POR: variants seen among roughly 807,000 people sequenced by gnomAD.
The protein encoded by POR is cytochrome p450 oxidoreductase.
In POR, 56 loss-of-function variants were observed where a neutral mutation model predicts 84.0. The observed-to-expected ratio is 0.67, with a 90% CI of 0.54 to 0.83. The LOEUF (loss-of-function observed/expected upper bound fraction) is 0.83. Ranked by LOEUF, POR falls within the 40% of genes least tolerant of loss-of-function variation. The probability of loss-of-function intolerance (pLI) is 0.00; values close to 1 mark genes in which losing one functional copy is unlikely to be tolerated. For missense variants in POR, 938 were observed against 944.3 expected (o/e 0.99, Z 0.09); for synonymous variants, 414 against 400.5 (o/e 1.03, Z -0.40).
intron 1 of POR, among the ~76,000 whole-genome samples, chr7:75,917,507 CAG>C (rs1806631551): frequency 1.3e-5 from 2 of 150,478 alleles, no homozygotes; most frequent in Non-Finnish European, 1.5e-5. Flanking sequence ...GCCAGAGAAA[CAG>C]AGGTCAAGCT....
intron 1 of POR, among the ~76,000 whole-genome samples, chr7:75,942,026 C>T (rs925355161): frequency 2.0e-5 from 3 of 151,878 alleles, no homozygotes; most frequent in Admixed American, 6.6e-5. Flanking sequence ...TGAGACCAGC[C>T]TGGGCAACAT....
At chr7:75,928,451 G>T (rs1288160200) in intron 1 of POR, among the ~76,000 whole-genome samples, 1 of 152,228 alleles carries the variant, frequency 6.6e-6, no homozygotes, top group Non-Finnish European at 1.5e-5. Flanking sequence ...GTTAACTTCG[G>T]GTAATGGCCT....
In POR at chr7:75,972,549, G is replaced by T. The variant is rs17148944; in HGVS notation, c.237+88G>T. The T allele has an allele frequency of 3.9e-6, 5 of 1,271,230 alleles. No individual in the cohort carries two copies. The South Asian group carries it at 6.4e-5, about 16-fold the overall frequency. 78.7% of individuals were successfully genotyped at this position (1,271,230 alleles called of 1,614,324 possible). A position where few individuals can be genotyped will look rare whatever the true frequency, so the allele number is the denominator to read the frequency against. On this transcript the variant is annotated intron_variant, in intron 3 of 15. Transcript: ENST00000461988. ...AGTCTAGCAGACGGCTGGCGTCACC[G>T]CATAGAGGATGTCCCGGTGGCCAGG...
At chr7:75,918,900 G>A (rs528025312) in intron 1 of POR, among the ~76,000 whole-genome samples, 8 of 151,498 alleles carry the variant, frequency 5.3e-5, no homozygotes, top group East Asian at 2.0e-4. Context: ...GGCTGAGGTC[G>A]CGTGGTGGCA....
At chr7:75,922,490 AT>A (rs1299431093) in intron 1 of POR, among the ~76,000 whole-genome samples, 1 of 151,786 alleles carries the variant, frequency 6.6e-6, no homozygotes, top group Non-Finnish European at 1.5e-5. Flanking sequence ...TGCCTGGCTA[AT>A]TTTTTGTAAT....
At chr7:75,926,022 TTCTC>T (rs61236921) in intron 1 of POR, among the ~76,000 whole-genome samples, 8,351 of 148,850 alleles carry the variant, frequency 0.056, 797 homozygotes, top group African/African-American at 0.19. Context: ...TCTTTCTCTT[TTCTC>T]TCTCTTTTTT....
intron 1 of POR, chr7:75,947,224 A>G (rs1483578220): frequency 2.6e-5 from 4 of 152,198 alleles, no homozygotes; most frequent in African/African-American, 9.7e-5. Context: ...AACGAAGGAC[A>G]TTTGGGATCT....
intron 1 of POR, among the ~76,000 whole-genome samples, chr7:75,951,281 G>C (rs932179353): frequency 1.3e-5 from 2 of 150,850 alleles, no homozygotes; most frequent in African/African-American, 4.9e-5. Flanking sequence ...GTAGTCCCAG[G>C]TACCCTGGAG....
chr7:75,950,091 C>T (rs1022870628), intron 1 of POR, among the ~76,000 whole-genome samples: 4 of 150,332 alleles, frequency 2.7e-5, no homozygotes, highest in South Asian at 2.1e-4. Flanking sequence ...AGGATGGTCT[C>T]GATCTCCTGA....
intron 2 of POR, among the ~76,000 whole-genome samples, chr7:75,967,196 C>G (rs925818401): frequency 3.9e-5 from 6 of 152,160 alleles, no homozygotes; most frequent in African/African-American, 1.4e-4. Flanking sequence ...AGGCTGGCCT[C>G]AAACTCCTGA....
At chr7:75,947,951 C>T (rs546146661) in intron 1 of POR, among the ~76,000 whole-genome samples, 1 of 152,246 alleles carries the variant, frequency 6.6e-6, no homozygotes, top group East Asian at 1.9e-4. Context: ...TTTGTGGCCT[C>T]AGCCCCCAGG....
At position 75,985,823 on chromosome 7, in the gene POR, A is replaced by G. The variant is rs1554559189; in HGVS notation, c.1643A>G (p.Gln548Arg). Reference sequence around the variant, plus strand: ...GTGGCACCCTTCATAGGCTTCATCCAGGAGCGGGCCTGGCTGCGACAGCAG... The same window carrying G: ...GTGGCACCCTTCATAGGCTTCATCCGGGAGCGGGCCTGGCTGCGACAGCAG... Residue 548 changes from glutamine to arginine, a missense_variant, in exon 13 of 16, where the codon CAG becomes CGG. Transcript: ENST00000461988. The G allele has an allele frequency of 1.3e-6, 2 of 1,556,450 alleles. No individual in the cohort carries two copies. Among genetic ancestry groups the G allele is most frequent in the Admixed American group, 3.8e-5 (2 of 52,902 alleles).
At position 75,942,657 on chromosome 7, in the gene POR, G is replaced by GT. The variant is rs1356818242; in HGVS notation, c.-4-11324dup. Reference sequence around the variant, plus strand: ...CTAGAACTAGCAGCTCAAAGTTTTTGTTTTTTTTGAGCTCAAGGTTTGAGC... The same window carrying GT: ...CTAGAACTAGCAGCTCAAAGTTTTTGTTTTTTTTTGAGCTCAAGGTTTGAGC... On this transcript the variant is annotated intron_variant, in intron 1 of 15. Coordinates refer to ENST00000461988, the MANE Select transcript of POR (RefSeq NM_000941.3). Among the ~76,000 whole-genome samples the GT allele has an allele frequency of 3.0e-4, 45 of 150,916 alleles. 1 individual carries two copies. The highest frequency in any genetic ancestry group is 1.2e-3 in the East Asian group (6 of 5,142).
chr7:75,933,376 G>GTTTTTTTTTTTTTTT (rs200575911), intron 1 of POR, among the ~76,000 whole-genome samples: 2 of 92,086 alleles, frequency 2.2e-5, no homozygotes, highest in Non-Finnish European at 4.9e-5. Flanking sequence ...ATAGGTCTTT[G>GTTTTTTTTTTTTTTT]TTTTTTTTTT....
At chr7:75,983,987 C>CTG (rs1408000136) in intron 10 of POR, 131 bp downstream of exon 10, 2 of 714,742 alleles carry the variant, frequency 2.8e-6, no homozygotes, top group African/African-American at 3.6e-5. Context: ...ACCGAGACTC[C>CTG]ACGGTTACAG....
chr7:75,981,991 A>G (rs1302857655), intron 7 of POR: 3 of 571,274 alleles, frequency 5.3e-6, no homozygotes, highest in Non-Finnish European at 9.4e-6. Context: ...AAGCCTGCCC[A>G]GCCCTGCCCC....
intron 2 of POR, 86 bp from the exon 3 acceptor site, chr7:75,972,327 C>G: frequency 8.2e-7 from 1 of 1,217,874 alleles, no homozygotes; most frequent in Non-Finnish European, 1.2e-6. Context: ...TCCCATGAAA[C>G]CTGCATCTAA....
chr7:75,934,149 G>GTGTGTGTA (rs1300520301), intron 1 of POR, among the ~76,000 whole-genome samples: 13 of 150,526 alleles, frequency 8.6e-5, no homozygotes, highest in Admixed American at 1.3e-4. Flanking sequence ...GTGTGTGTGT[G>GTGTGTGTA]TGTGTGTGTG....
intron 2 of POR, among the ~76,000 whole-genome samples, chr7:75,966,940 T>A (rs1791346750): frequency 1.3e-5 from 2 of 152,180 alleles, no homozygotes; most frequent in South Asian, 4.1e-4. Flanking sequence ...AGCTGCCACC[T>A]CTGTACGGCT....
Sources: gnomAD v4.1 joint callset for allele counts (sites outside exome capture counted in the v4.1 genomes callset) on GRCh38, gnomAD v4.1.1 for gene constraint, MANE v1.5 for transcripts, NCBI Gene and HGNC (gene_info 2026-07-23, HGNC 2026-07-21) for gene names.